Variants in MON2 observed in about 807,000 individuals in gnomAD.
MON2 encodes the protein protein MON2 homolog.
A neutral mutation model predicts 208.6 loss-of-function variants in MON2; 84 were observed. The observed-to-expected ratio is 0.40, with a 90% CI of 0.34 to 0.48. MON2 has a LOEUF of 0.48. MON2 is among the 20% of genes least tolerant of loss of function. The pLI, the probability that MON2 is intolerant of heterozygous loss-of-function variation, is 0.59. For synonymous variants in MON2, 660 were observed against 694.0 expected, an observed-to-expected ratio of 0.95 and a Z score of 0.77; for missense variants, 1,611 against 2,015.4, an observed-to-expected ratio of 0.80 and a Z score of 3.84.
At chr12:62,591,167 A>G (rs1048699100) in intron 34 of MON2, among the ~76,000 whole-genome samples, 48 of 152,332 alleles carry the variant, frequency 3.2e-4, no homozygotes, top group South Asian at 2.3e-3. Flanking sequence ...AGAATTTTTA[A>G]AACTTCTTAG....
chr12:62,551,693 G>C (rs925725775), intron 23 of MON2, among the ~76,000 whole-genome samples: 2 of 152,106 alleles, frequency 1.3e-5, no homozygotes, highest in African/African-American at 4.8e-5. Flanking sequence ...GCACAACAAA[G>C]AGAAGTGCAA....
chr12:62,466,990 G>A lies in MON2; in HGVS notation c.-218G>A, dbSNP rs568589786. On this transcript the variant is annotated 5_prime_UTR_variant, in exon 1 of 35. Coordinates refer to ENST00000393630, the MANE Select transcript of MON2 (RefSeq NM_015026.3). ...CAGAGTCGGCGGAGCCTAGCGGGAC[G>A]GTGCGACTGCGGGGGGCGCCTCCGA... The A allele has an allele frequency of 5.8e-5, 31 of 532,026 alleles. No homozygotes were observed. The highest frequency in any genetic ancestry group is 4.9e-4 in the African/African-American group (25 of 50,828). 33.0% of individuals were successfully genotyped at this position (532,026 alleles called of 1,614,324 possible).
Position 62,560,825 on chromosome 12 carries a change from T to C in MON2, c.3744T>C (p.Tyr1248=), listed in dbSNP as rs1329908417. 6.2e-7 allele frequency: 1 copy of C among 1,614,126 alleles called. No individual in the cohort carries two copies. The highest frequency in any genetic ancestry group is 1.1e-5 in the South Asian group (1 of 91,084). ...GGTGGGCTGCGTGGAATACCTGGTA[T>C]AGAATTGGATCTGAAAGTACTAAGC... ...NLWWAAWNTW[Y]RIGSESTKPP... is the part of the protein sequence containing the mutation. The change falls in exon 26 of 35, where the codon TAT becomes TAC. Residue 1248 remains tyrosine, a synonymous_variant. Coordinates refer to ENST00000393630, the MANE Select transcript of MON2 (RefSeq NM_015026.3).
chr12:62,540,185 G>A (rs995952648), intron 19 of MON2, among the ~76,000 whole-genome samples: 1 of 152,034 alleles, frequency 6.6e-6, no homozygotes. Context: ...AAGCACAGTA[G>A]GCTTACTGTG....
chr12:62,586,355 G>A (rs1039410209), intron 33 of MON2, among the ~76,000 whole-genome samples: 4 of 152,094 alleles, frequency 2.6e-5, no homozygotes, highest in African/African-American at 4.8e-5. Context: ...CTGTCAAAAG[G>A]CACAGACATT....
At chr12:62,523,847 C>T (rs565854634) in intron 8 of MON2, among the ~76,000 whole-genome samples, 26 of 152,144 alleles carry the variant, frequency 1.7e-4, no homozygotes, top group Middle Eastern at 6.8e-3. Flanking sequence ...TTTGGATGAA[C>T]GGGTTAGCTT....
chr12:62,510,161 A>G (rs2071320579), intron 8 of MON2, among the ~76,000 whole-genome samples: 2 of 152,180 alleles, frequency 1.3e-5, no homozygotes, highest in Admixed American at 1.3e-4. Context: ...TGAATTAATA[A>G]TGAAAAACCT....
chr12:62,541,459 A>G (rs76786264), intron 19 of MON2, among the ~76,000 whole-genome samples: 1 of 152,266 alleles, frequency 6.6e-6, no homozygotes, highest in African/African-American at 2.4e-5. Flanking sequence ...CAAGCACAGT[A>G]TAACAACAAC....
chr12:62,553,230 T>C (rs1168733672), intron 24 of MON2, 56 bp downstream of exon 24: 1 of 1,411,902 alleles, frequency 7.1e-7, no homozygotes, highest in East Asian at 2.3e-5. Context: ...TATATATTAA[T>C]ACTTTTTCAG....
Position 62,467,164 on chromosome 12 carries a change from G to C in MON2, c.-44G>C, listed in dbSNP as rs1158069393. ...GCCCTAAGGAGCTGACCGTGCCAGAGCTTGTTTGTACCTCTCGGAAATTGG... is the reference window on the plus strand; with the variant it reads ...GCCCTAAGGAGCTGACCGTGCCAGACCTTGTTTGTACCTCTCGGAAATTGG... On this transcript the variant is annotated 5_prime_UTR_variant, in exon 1 of 35. Coordinates refer to ENST00000393630, the MANE Select transcript of MON2 (RefSeq NM_015026.3). 6.4e-7 allele frequency: 1 copy of C among 1,556,084 alleles called. No homozygotes were observed. The highest frequency in any genetic ancestry group is 8.8e-7 in the Non-Finnish European group (1 of 1,136,920).
At chr12:62,545,390 A>G (rs2073436953) in intron 21 of MON2, among the ~76,000 whole-genome samples, 1 of 151,998 alleles carries the variant, frequency 6.6e-6, no homozygotes, top group Admixed American at 6.6e-5. Flanking sequence ...AGAAGAAACA[A>G]GCACAATGAA....
rs1592935627 is a variant in MON2, at chr12:62,518,214, G to A, written c.985-6301G>A. On this transcript the variant is annotated intron_variant, in intron 8 of 34. Transcript: ENST00000393630. Reference sequence around the variant, plus strand: ...TCAGCCTTATAACCTAATTTCCTCCGAAAGACTCCACCTTCAAATATCATC... The same window carrying A: ...TCAGCCTTATAACCTAATTTCCTCCAAAAGACTCCACCTTCAAATATCATC... Among the ~76,000 whole-genome samples the A allele has an allele frequency of 2.0e-5, 3 of 152,270 alleles. No homozygotes were observed. The South Asian group carries it at 6.2e-4, about 32-fold the overall frequency.
rs1440073352 is a variant in MON2, at chr12:62,595,268, C to T, written c.*2519C>T. 3.3e-5 allele frequency: 5 copies of T among 152,116 alleles called. No homozygotes were observed. Among genetic ancestry groups the T allele is most frequent in the Non-Finnish European group, 7.3e-5 (5 of 68,064 alleles). 9.4% of individuals were successfully genotyped at this position (152,116 alleles called of 1,614,324 possible). ...CAAGCAGTTTCCTGCTTCAGACTTC[C>T]AAGTAGCTGGGATTACAGACATGCC... On this transcript the variant is annotated 3_prime_UTR_variant, in exon 35 of 35. Coordinates refer to ENST00000393630, the MANE Select transcript of MON2 (RefSeq NM_015026.3).
At chr12:62,535,444 C>A in intron 13 of MON2, 81 bp from the exon 14 acceptor site, 1 of 1,047,560 alleles carries the variant, frequency 9.5e-7, no homozygotes, top group Non-Finnish European at 1.3e-6. Context: ...TAAAATGTCA[C>A]TGAATACTTA....
chr12:62,504,536 C>T (rs112612217), intron 7 of MON2, among the ~76,000 whole-genome samples: 9 of 152,128 alleles, frequency 5.9e-5, no homozygotes, highest in African/African-American at 1.7e-4. Flanking sequence ...CGTGGGCCAC[C>T]GCACCCGGCC....
At chr12:62,517,199 T>G (rs1362082771) in intron 8 of MON2, among the ~76,000 whole-genome samples, 2 of 152,200 alleles carry the variant, frequency 1.3e-5, no homozygotes, top group African/African-American at 4.8e-5. Flanking sequence ...TTAACTACAT[T>G]AAGTTAAGAC....
chr12:62,580,454 G>A (rs775376165), intron 32 of MON2, 34 bp downstream of exon 32: 62 of 1,527,928 alleles, frequency 4.1e-5, no homozygotes, highest in Middle Eastern at 1.8e-4. Flanking sequence ...AAAAAGTATT[G>A]AAGTACTTTT....
chr12:62,541,374 C>CAA (rs34466096), intron 19 of MON2, among the ~76,000 whole-genome samples: 23 of 108,808 alleles, frequency 2.1e-4, no homozygotes, highest in South Asian at 1.5e-3. Context: ...AACTCTGTCT[C>CAA]AAAAAAAAAA....
Position 62,566,454 on chromosome 12 carries a change from T to A in MON2, c.4323+4T>A. The stretch of plus-strand genomic sequence containing the variant: ...AGTGCTCCAGAATATTATTAAGGTA[T>A]CTTTTTTTCATTTCTACACTTTCAT... On this transcript the variant is annotated splice_donor_region_variant and intron_variant, in intron 29 of 34. Transcript: ENST00000393630. 6.2e-7 allele frequency: 1 copy of A among 1,609,426 alleles called. No homozygotes were observed. Among genetic ancestry groups the A allele is most frequent in the Non-Finnish European group, 8.5e-7 (1 of 1,178,216 alleles).
Sources: allele counts gnomAD v4.1 joint callset (sites outside exome capture counted in the v4.1 genomes callset), GRCh38; gene constraint gnomAD v4.1.1; transcripts MANE v1.5; gene names NCBI Gene and HGNC (gene_info 2026-07-23, HGNC 2026-07-21).